Variants in TMCO5A observed in about 807,000 individuals in gnomAD.
TMCO5A encodes transmembrane and coiled-coil domains 5A.
In TMCO5A, 34 loss-of-function variants were observed where a neutral mutation model predicts 42.3. That is an observed-to-expected ratio of 0.80 (90% CI 0.61 to 1.07). The LOEUF is 1.07. Ranked by LOEUF, TMCO5A falls within the 50% of genes least tolerant of loss-of-function variation. TMCO5A has a pLI of 0.00. For synonymous variants in TMCO5A, 131 were observed against 115.6 expected, an observed-to-expected ratio of 1.13 and a Z score of -0.86; for missense variants, 357 against 327.9, an observed-to-expected ratio of 1.09 and a Z score of -0.69.
At chr15:37,960,565 C>T (rs985900654) in intron 11 of TMCO5A, among the ~76,000 whole-genome samples, 1 of 152,068 alleles carries the variant, frequency 6.6e-6, no homozygotes, top group Admixed American at 6.6e-5. Context: ...ATTGCTGGAT[C>T]AAATGGTAGT....
At chr15:37,959,984 A>C (rs1890381981) in intron 11 of TMCO5A, among the ~76,000 whole-genome samples, 1 of 152,084 alleles carries the variant, frequency 6.6e-6, no homozygotes, top group Non-Finnish European at 1.5e-5. Context: ...GTAAAGTTGC[A>C]GGATACAAAA....
downstream of TMCO5A, among the ~76,000 whole-genome samples, chr15:37,952,893 C>T (rs895346734): frequency 1.3e-5 from 2 of 152,176 alleles, no homozygotes; most frequent in African/African-American, 4.8e-5. Flanking sequence ...AGCCTTGGGG[C>T]CTTCTTTAAG....
chr15:38,029,669 C>G, the TMCO5A span, among the ~76,000 whole-genome samples: 3 of 152,074 alleles, frequency 2.0e-5, no homozygotes, highest in African/African-American at 7.2e-5. Context: ...TATGTTGCCT[C>G]GAACTCCTGG....
the TMCO5A span, among the ~76,000 whole-genome samples, chr15:38,019,484 C>T: frequency 2.5e-3 from 376 of 152,158 alleles, no homozygotes; most frequent in Admixed American, 3.8e-3. Flanking sequence ...CATTTTAGAA[C>T]AGGTTTAGGT....
intron 2 of TMCO5A, among the ~76,000 whole-genome samples, 191 bp downstream of exon 2, chr15:37,935,539 AC>A (rs1889480152): frequency 6.6e-6 from 1 of 152,112 alleles, no homozygotes; most frequent in East Asian, 1.9e-4. Flanking sequence ...CCTATCTAAA[AC>A]AAAAGCCTCT....
chr15:37,952,101 G>A (rs917178809), downstream of TMCO5A, among the ~76,000 whole-genome samples: 4 of 152,070 alleles, frequency 2.6e-5, no homozygotes, highest in East Asian at 1.9e-4. Context: ...CCCAGCTGTC[G>A]GAATTTAAGT....
chr15:37,963,483 C>A (rs1890482340), intron 11 of TMCO5A, among the ~76,000 whole-genome samples: 1 of 152,038 alleles, frequency 6.6e-6, no homozygotes, highest in African/African-American at 2.4e-5. Flanking sequence ...TATGGTATAT[C>A]TTGGAGAAAG....
Position 37,966,634 on chromosome 15 carries a change from C to T in TMCO5A, c.678C>T (p.Ser226=), listed in dbSNP as rs565109425. 216 of 702,904 alleles carry T rather than the reference C, an allele frequency of 3.1e-4. 2 individuals are homozygous for T. The highest frequency in any genetic ancestry group is 3.0e-3 in the South Asian group (201 of 67,592). 43.5% of individuals were successfully genotyped at this position (702,904 alleles called of 1,614,324 possible). Residue 226 remains serine, a synonymous_variant, in exon 12 of 12, where the codon TCC becomes TCT. Transcript: ENST00000559502. ...TTTCTTCTCTCTTCAGATGGGCCTC[C>T]TCCTTTTAGTGGCAAGATGGCTGCC...
chr15:37,953,043 C>A (rs986505021), downstream of TMCO5A, among the ~76,000 whole-genome samples: 10 of 152,146 alleles, frequency 6.6e-5, no homozygotes, highest in African/African-American at 9.7e-5. Context: ...ACCTTATCTG[C>A]AGTACAGTAC....
At chr15:38,027,285 T>A in the TMCO5A span, among the ~76,000 whole-genome samples, 1 of 152,160 alleles carries the variant, frequency 6.6e-6, no homozygotes, top group Non-Finnish European at 1.5e-5. Context: ...ACCTCTTGCA[T>A]CAGCATGACC....
At position 37,947,710 on chromosome 15, in the gene TMCO5A, C is replaced by G. The variant is rs1355269474; in HGVS notation, c.668+14C>G. On this transcript the variant is annotated intron_variant, in intron 11 of 11. Coordinates refer to ENST00000319669, the MANE Select transcript of TMCO5A (RefSeq NM_152453.4). The stretch of plus-strand genomic sequence containing the variant: ...ATTCAGTAAAAAGTAAGTAAAATAT[C>G]TTCAGGTAAACTTCCTATAAAATTG... The G allele has an allele frequency of 1.9e-6, 3 of 1,570,512 alleles. No individual in the cohort carries two copies. In the Admixed American group the frequency reaches 5.1e-5, roughly 27 times the overall value.
At chr15:37,978,569 T>C in the TMCO5A span, among the ~76,000 whole-genome samples, 31,214 of 152,040 alleles carry the variant, frequency 0.21, 6,669 homozygotes, top group African/African-American at 0.55. Flanking sequence ...CTTTGTTCCT[T>C]CCCCTGCCCA....
At chr15:37,979,594 C>T in the TMCO5A span, among the ~76,000 whole-genome samples, 3 of 152,138 alleles carry the variant, frequency 2.0e-5, no homozygotes, top group Non-Finnish European at 2.9e-5. Flanking sequence ...GGTTATGAGG[C>T]CTTGCCCAAT....
At chr15:37,981,078 C>T in the TMCO5A span, among the ~76,000 whole-genome samples, 3 of 151,750 alleles carry the variant, frequency 2.0e-5, no homozygotes, top group South Asian at 6.2e-4. Flanking sequence ...TAACATTTTC[C>T]CTTTTGTTGT....
At chr15:37,960,515 G>C (rs1347290147) in intron 11 of TMCO5A, among the ~76,000 whole-genome samples, 1 of 151,926 alleles carries the variant, frequency 6.6e-6, no homozygotes, top group East Asian at 1.9e-4. Flanking sequence ...TATCTTTTTT[G>C]TATGATGACT....
the TMCO5A span, among the ~76,000 whole-genome samples, chr15:37,992,249 A>C: frequency 6.6e-6 from 1 of 152,132 alleles, no homozygotes; most frequent in Non-Finnish European, 1.5e-5. Flanking sequence ...ATTTTTTAAA[A>C]GTTCAATATC....
chr15:37,956,060 G>A (rs533929842), downstream of TMCO5A, among the ~76,000 whole-genome samples: 2 of 151,996 alleles, frequency 1.3e-5, no homozygotes, highest in Non-Finnish European at 2.9e-5. Context: ...GAACAAAGAC[G>A]CAATCTACCA....
chr15:37,969,955 G>C (rs1255434812), downstream of TMCO5A, among the ~76,000 whole-genome samples: 1 of 152,080 alleles, frequency 6.6e-6, no homozygotes, highest in Non-Finnish European at 1.5e-5. Flanking sequence ...CCATGTCTTT[G>C]CTATTGTGAG....
rs747429405 is a variant in TMCO5A at position 37,942,205 on chromosome 15, G to C, written c.519G>C (p.Thr173=). The change falls in exon 9 of 12, where the codon ACG becomes ACC. Residue 173 remains threonine, a synonymous_variant. Coordinates refer to ENST00000319669, the MANE Select transcript of TMCO5A (RefSeq NM_152453.4). The part of the protein sequence containing the change: ...QALYIKKYQE[T]LKKIEEELEA... ...TCTCTTTGAAGAAGTACCAGGAAACGTTGAAGAAAATAGAAGAAGAACTAG... is the reference window on the plus strand; with the variant it reads ...TCTCTTTGAAGAAGTACCAGGAAACCTTGAAGAAAATAGAAGAAGAACTAG... The C allele has an allele frequency of 6.2e-7, 1 of 1,612,790 alleles. No individual in the cohort carries two copies. Among genetic ancestry groups the C allele is most frequent in the Non-Finnish European group, 8.5e-7 (1 of 1,179,188 alleles).
Sources: allele counts gnomAD v4.1 joint callset (sites outside exome capture counted in the v4.1 genomes callset), GRCh38; gene constraint gnomAD v4.1.1; transcripts MANE v1.5; gene names NCBI Gene and HGNC (gene_info 2026-07-23, HGNC 2026-07-21).